Variants in RTEL1 observed in about 807,000 individuals in gnomAD.
The protein encoded by RTEL1 is regulator of telomere elongation helicase 1, also known as regulator of telomere length.
In RTEL1, 86 loss-of-function variants were observed where a neutral mutation model predicts 162.2. That is an observed-to-expected ratio of 0.53 (90% CI 0.45 to 0.63). The LOEUF (loss-of-function observed/expected upper bound fraction) is 0.63. RTEL1 is among the 30% of genes least tolerant of loss of function. The probability of loss-of-function intolerance (pLI) is 0.00; values close to 1 mark genes in which losing one functional copy is unlikely to be tolerated. For synonymous variants in RTEL1, 958 were observed against 717.9 expected (o/e 1.33, Z -5.35); for missense variants, 1,941 against 1,750.2 (o/e 1.11, Z -1.95).
In RTEL1 at chr20:63,667,433, G is replaced by A. The variant is rs60072991; in HGVS notation, c.615-36G>A. 14,030 of 1,536,246 alleles carry A rather than the reference G, an allele frequency of 9.1e-3. 1,056 individuals carry two copies. In the African/African-American group the frequency reaches 0.17, roughly 18 times the overall value. Reference sequence around the variant, plus strand: ...GCCTCGGGGCACCGTCCCCTGCATGGGGTGCTCACAGGATCTTCTCCTCTC... The same window carrying A: ...GCCTCGGGGCACCGTCCCCTGCATGAGGTGCTCACAGGATCTTCTCCTCTC... On this transcript the variant is annotated intron_variant, in intron 7 of 34. Coordinates refer to ENST00000360203, the MANE Select transcript of RTEL1 (RefSeq NM_001283009.2).
chr20:63,660,261 A>G (rs1242861002), intron 2 of RTEL1, among the ~76,000 whole-genome samples: 1 of 152,124 alleles, frequency 6.6e-6, no homozygotes, highest in Non-Finnish European at 1.5e-5. Flanking sequence ...CAGACCCTTC[A>G]CGGGTGTTGG....
Position 63,685,862 on chromosome 20 carries a change from C to G in RTEL1, c.1338C>G (p.Ala446=). 1 of 1,612,556 alleles carries G rather than the reference C, an allele frequency of 6.2e-7. No homozygotes were observed. ...QRSDAWSTTA[A]RKRGKVLSYW... is the part of the protein sequence containing the mutation. ...CTGATGCCTGGAGCACCACTGCAGC[C>G]AGAAAGCGAGGTACAGACCTGGGCC... Residue 446 remains alanine (A), a synonymous_variant, in exon 16 of 35, where the codon GCC becomes GCG. Coordinates refer to ENST00000360203, the MANE Select transcript of RTEL1 (RefSeq NM_001283009.2).
At chr20:63,693,345 C>A in intron 30 of RTEL1, 62 bp downstream of exon 30, 3 of 1,592,692 alleles carry the variant, frequency 1.9e-6, no homozygotes, top group South Asian at 1.1e-5. Context: ...GGGCCAGAGT[C>A]CTGGGCTGCT....
chr20:63,672,513 C>G (rs769486085), intron 8 of RTEL1, 43 bp from the exon 9 acceptor site: 11 of 1,495,614 alleles, frequency 7.4e-6, no homozygotes, highest in Non-Finnish European at 1.0e-5. Context: ...CTTTCCCGGC[C>G]TCTGTGAGCT....
At chr20:63,671,770 C>T (rs1569088770) in intron 8 of RTEL1, among the ~76,000 whole-genome samples, 2 of 151,048 alleles carry the variant, frequency 1.3e-5, no homozygotes, top group Admixed American at 6.6e-5. Context: ...GGCTTGCAGG[C>T]GTGAGCCACC....
chr20:63,693,309 TCA>T, intron 30 of RTEL1, 26 bp downstream of exon 30: 1 of 1,610,284 alleles, frequency 6.2e-7, no homozygotes, highest in Non-Finnish European at 8.5e-7. Flanking sequence ...GGTGGGACCC[TCA>T]GACTCCTGCG....
intron 4 of RTEL1, 90 bp from the exon 5 acceptor site, chr20:63,662,456 C>T (rs1278968770): frequency 6.3e-7 from 1 of 1,581,896 alleles, no homozygotes; most frequent in Non-Finnish European, 8.6e-7. Flanking sequence ...GCCGAGGCTC[C>T]TGCGTGTCTC....
chr20:63,690,402 C>T lies in RTEL1; in HGVS notation c.2374C>T (p.Leu792=). The T allele has an allele frequency of 6.2e-7, 1 of 1,602,246 alleles. No individual in the cohort carries two copies. ...PFFSTRKAKS[L]DLHVPSLKQR... ...CTTCTCCACCAGGAAAGCTAAGAGTCTGGACCTGCATGTCCCCAGCCTGAA... is the reference window on the plus strand; with the variant it reads ...CTTCTCCACCAGGAAAGCTAAGAGTTTGGACCTGCATGTCCCCAGCCTGAA... The change falls in exon 26 of 35, where the codon CTG becomes TTG. Residue 792 remains leucine (L), a synonymous_variant. Coordinates refer to ENST00000360203, the MANE Select transcript of RTEL1 (RefSeq NM_001283009.2).
chr20:63,691,406 T>C (rs1012245727), intron 27 of RTEL1, among the ~76,000 whole-genome samples: 1 of 152,114 alleles, frequency 6.6e-6, no homozygotes, highest in African/African-American at 2.4e-5. Context: ...CATTCCCCTC[T>C]TCCTGCCCAT....
At position 63,689,974 on chromosome 20, in the gene RTEL1, C is replaced by T. The variant is rs768924437; in HGVS notation, c.2141+109C>T. 9.9e-5 allele frequency: 154 copies of T among 1,550,778 alleles called. 1 individual carries two copies. The highest frequency in any genetic ancestry group is 7.6e-4 in the South Asian group (66 of 87,158). ...GGCCCCGTCTCCTCCAGAGCCTCTC[C>T]GGCTACTCGGGGTCAGCGTGGGGCC... On this transcript the variant is annotated intron_variant, in intron 24 of 34. Transcript: ENST00000360203.
At chr20:63,684,991 G>C (rs1485374492) in intron 14 of RTEL1, among the ~76,000 whole-genome samples, 4 of 150,030 alleles carry the variant, frequency 2.7e-5, no homozygotes, top group Non-Finnish European at 5.9e-5. Context: ...GATCCTCTCA[G>C]CTCAACCTCC....
At chr20:63,689,405 T>C (rs1363044804) in intron 22 of RTEL1, 97 bp from the exon 23 acceptor site, 14 of 1,370,958 alleles carry the variant, frequency 1.0e-5, no homozygotes, top group Non-Finnish European at 1.1e-5. Flanking sequence ...CCACCCCTGG[T>C]TGGGGACGGA....
chr20:63,680,245 C>T (rs2090453473), intron 13 of RTEL1, among the ~76,000 whole-genome samples: 1 of 152,212 alleles, frequency 6.6e-6, no homozygotes, highest in Admixed American at 6.5e-5. Flanking sequence ...CTTCTCCACA[C>T]CACCCCGAGT....
chr20:63,679,995 G>A (rs1230575623), intron 13 of RTEL1, 49 bp downstream of exon 13: 9 of 1,358,852 alleles, frequency 6.6e-6, no homozygotes, highest in Non-Finnish European at 9.2e-6. Flanking sequence ...GGCGTAGGGG[G>A]TGCAGCAGGC....
chr20:63,671,886 G>A (rs545877437), intron 8 of RTEL1, among the ~76,000 whole-genome samples: 3 of 151,814 alleles, frequency 2.0e-5, no homozygotes, highest in Non-Finnish European at 4.4e-5. Context: ...GTTTTGTTTT[G>A]TTTTGTTTTG....
chr20:63,672,717 C>T, intron 9 of RTEL1, 96 bp downstream of exon 9: 1 of 1,050,582 alleles, frequency 9.5e-7, no homozygotes, highest in Non-Finnish European at 1.4e-6. Context: ...GGCCAAACTC[C>T]TGAAGCCCTA....
intron 1 of RTEL1, 180 bp downstream of exon 1, chr20:63,658,646 G>A (rs925351076): frequency 1.3e-5 from 2 of 152,334 alleles, no homozygotes; most frequent in African/African-American, 4.8e-5. Flanking sequence ...CTGGCGCCGC[G>A]GCGTTGGCTG....
intron 10 of RTEL1, among the ~76,000 whole-genome samples, chr20:63,677,239 G>T (rs956171420): frequency 1.3e-5 from 2 of 152,210 alleles, no homozygotes; most frequent in Middle Eastern, 3.2e-3. Flanking sequence ...GTTGGTCATG[G>T]TTACTGGGTT....
chr20:63,691,863 G>A (rs1359956344), intron 28 of RTEL1, 26 bp downstream of exon 28: 1 of 1,588,558 alleles, frequency 6.3e-7, no homozygotes, highest in Non-Finnish European at 8.6e-7. Context: ...CTGCACCTGT[G>A]CCGACCACCA....
Sources: allele counts gnomAD v4.1 joint callset (sites outside exome capture counted in the v4.1 genomes callset), GRCh38; gene constraint gnomAD v4.1.1; transcripts MANE v1.5; gene names NCBI Gene and HGNC (gene_info 2026-07-23, HGNC 2026-07-21).